SPIDR: variants seen among roughly 807,000 people sequenced by gnomAD.
SPIDR encodes scaffold protein involved in DNA repair.
SPIDR carries 93 observed loss-of-function variants against 104.6 expected under a neutral mutation model. The observed-to-expected ratio is 0.89, with a 90% CI of 0.75 to 1.06. SPIDR has a LOEUF of 1.06. Among genes scored for constraint, SPIDR ranks in the 50% least tolerant of loss-of-function variants. The probability of loss-of-function intolerance (pLI) is 0.00; values close to 1 mark genes in which losing one functional copy is unlikely to be tolerated. For missense variants in SPIDR, 1,154 were observed against 1,111.2 expected (o/e 1.04, Z -0.55); for synonymous variants, 431 against 416.9 (o/e 1.03, Z -0.41).
intron 5 of SPIDR, among the ~76,000 whole-genome samples, chr8:47,384,630 C>T (rs2059676776): frequency 6.6e-6 from 1 of 152,102 alleles, no homozygotes; most frequent in African/African-American, 2.4e-5. Flanking sequence ...GGCAGATTGC[C>T]TGTATTGCGG....
At chr8:47,589,018 G>GTTTT (rs1564409706) in intron 8 of SPIDR, among the ~76,000 whole-genome samples, 1 of 108,566 alleles carries the variant, frequency 9.2e-6, no homozygotes, top group African/African-American at 3.6e-5. Flanking sequence ...TTGGTTTATA[G>GTTTT]TTTGTTTTTT....
In SPIDR at chr8:47,386,583, G is replaced by A. The variant is rs542609315; in HGVS notation, c.526-9793G>A. Among the ~76,000 whole-genome samples, 3 of 152,126 alleles carry A rather than the reference G, an allele frequency of 2.0e-5. No homozygotes were observed. In the South Asian group the frequency reaches 6.2e-4, roughly 32 times the overall value. Reference sequence around the variant, plus strand: ...CCTCTGTTACTGGATTGCTGTGGGGGCTCGAGCAAGCCACTGAAGTGTCAT... The same window carrying A: ...CCTCTGTTACTGGATTGCTGTGGGGACTCGAGCAAGCCACTGAAGTGTCAT... On this transcript the variant is annotated intron_variant, in intron 5 of 19. Transcript: ENST00000297423.
At chr8:47,393,727 CCTTTCCTTCCTTT>C (rs2060902346) in intron 5 of SPIDR, among the ~76,000 whole-genome samples, 1 of 95,476 alleles carries the variant, frequency 1.0e-5, no homozygotes, top group Non-Finnish European at 2.3e-5. Context: ...CCTTTCCTTT[CCTTTCCTTCCTTT>C]CATTCTTTCG....
intron 8 of SPIDR, among the ~76,000 whole-genome samples, chr8:47,480,378 G>C (rs2076764670): frequency 1.3e-5 from 2 of 152,198 alleles, no homozygotes; most frequent in Admixed American, 1.3e-4. Flanking sequence ...TTAAGTATTT[G>C]ATTAGATGAG....
intron 8 of SPIDR, among the ~76,000 whole-genome samples, chr8:47,486,862 G>C (rs1189425998): frequency 6.6e-6 from 1 of 152,204 alleles, no homozygotes; most frequent in African/African-American, 2.4e-5. Context: ...ACTAAACGCG[G>C]AAAGGAACAA....
intron 5 of SPIDR, among the ~76,000 whole-genome samples, chr8:47,352,093 T>C (rs1554622728): frequency 6.6e-6 from 1 of 151,850 alleles, no homozygotes; most frequent in Non-Finnish European, 1.5e-5. Context: ...CCTGGCCAAC[T>C]TGATGAAACC....
At chr8:47,297,360 T>C (rs1437443836) in intron 5 of SPIDR, among the ~76,000 whole-genome samples, 1 of 152,214 alleles carries the variant, frequency 6.6e-6, no homozygotes, top group African/African-American at 2.4e-5. Flanking sequence ...ATGGCCTTTA[T>C]TGTGTATAAA....
intron 5 of SPIDR, among the ~76,000 whole-genome samples, chr8:47,347,938 C>T (rs1018090453): frequency 2.6e-5 from 4 of 152,086 alleles, no homozygotes; most frequent in Non-Finnish European, 4.4e-5. Context: ...GGGCATTTAG[C>T]CCATTTACAT....
intron 8 of SPIDR, among the ~76,000 whole-genome samples, chr8:47,456,584 G>T (rs1395779494): frequency 6.6e-6 from 1 of 151,980 alleles, no homozygotes; most frequent in African/African-American, 2.4e-5. Flanking sequence ...ATAACCATTT[G>T]GTCCAAGGTT....
At chr8:47,343,287 TG>T (rs1479245807) in intron 5 of SPIDR, among the ~76,000 whole-genome samples, 2 of 152,142 alleles carry the variant, frequency 1.3e-5, no homozygotes, top group Non-Finnish European at 1.5e-5. Context: ...GCTGGACTTT[TG>T]TGTTAGGGGA....
chr8:47,264,522 A>G (rs1445871117), intron 1 of SPIDR, among the ~76,000 whole-genome samples: 7 of 151,816 alleles, frequency 4.6e-5, no homozygotes, highest in African/African-American at 1.7e-4. Flanking sequence ...CTATCCCTTA[A>G]CATGCTGTGA....
At chr8:47,392,804 T>C (rs1554653210) in intron 5 of SPIDR, among the ~76,000 whole-genome samples, 1 of 152,362 alleles carries the variant, frequency 6.6e-6, no homozygotes, top group Non-Finnish European at 1.5e-5. Context: ...ATCCAAACTT[T>C]CTAAAACAAA....
chr8:47,517,498 C>T (rs1299284764), intron 8 of SPIDR, among the ~76,000 whole-genome samples: 2 of 152,138 alleles, frequency 1.3e-5, no homozygotes, highest in Admixed American at 6.5e-5. Context: ...TCCCTGAGGG[C>T]TCAGAAAAGA....
intron 16 of SPIDR, among the ~76,000 whole-genome samples, chr8:47,722,986 G>A (rs1186183604): frequency 6.6e-6 from 1 of 152,066 alleles, no homozygotes; most frequent in Non-Finnish European, 1.5e-5. Context: ...CTACTGGGAT[G>A]GCACACACCA....
intron 8 of SPIDR, among the ~76,000 whole-genome samples, chr8:47,482,534 C>T (rs961390884): frequency 2.0e-5 from 3 of 152,160 alleles, no homozygotes; most frequent in Admixed American, 6.5e-5. Context: ...ACTGATGGAG[C>T]AGATGTTCTC....
chr8:47,487,240 G>C (rs2077804847), intron 8 of SPIDR, among the ~76,000 whole-genome samples: 1 of 152,114 alleles, frequency 6.6e-6, no homozygotes, highest in African/African-American at 2.4e-5. Context: ...AACCAACAAA[G>C]ATGAAAAGAG....
intron 5 of SPIDR, among the ~76,000 whole-genome samples, chr8:47,385,878 G>C (rs1395756009): frequency 6.6e-6 from 1 of 152,116 alleles, no homozygotes; most frequent in African/African-American, 2.4e-5. Flanking sequence ...TTTGGACACA[G>C]TTAAATTTTT....
intron 17 of SPIDR, 124 bp downstream of exon 17, chr8:47,727,417 C>T (rs1201708920): frequency 1.0e-5 from 8 of 796,214 alleles, no homozygotes; most frequent in Non-Finnish European, 1.7e-5. Context: ...CAACCTCTGC[C>T]TCTGCTGAGC....
chr8:47,380,345 A>T (rs968069453), intron 5 of SPIDR, among the ~76,000 whole-genome samples: 1 of 151,288 alleles, frequency 6.6e-6, no homozygotes, highest in Non-Finnish European at 1.5e-5. Context: ...GGTGTACACT[A>T]TTTTTTTTTG....
Sources: allele counts gnomAD v4.1 joint callset (sites outside exome capture counted in the v4.1 genomes callset), GRCh38; gene constraint gnomAD v4.1.1; transcripts MANE v1.5; gene names NCBI Gene and HGNC (gene_info 2026-07-23, HGNC 2026-07-21).